The following NSD3 variants were observed in gnomAD, a reference collection of about 807,000 sequenced individuals.
NSD3 encodes nuclear receptor binding SET domain protein 3.
A neutral mutation model predicts 160.8 loss-of-function variants in NSD3; 24 were observed. The ratio of observed to expected loss-of-function variants is 0.15; its 90% CI spans 0.11 to 0.21. The LOEUF (loss-of-function observed/expected upper bound fraction) is 0.21, where lower values mean the gene tolerates loss of function less well. Among genes scored for constraint, NSD3 ranks in the 10% least tolerant of loss-of-function variants. NSD3 has a pLI of 1.00. For missense variants in NSD3, 1,157 were observed against 1,735.9 expected (o/e 0.67, Z 5.93); for synonymous variants, 520 against 600.0 (o/e 0.87, Z 1.95).
At position 38,275,764 on chromosome 8, in the gene NSD3, A is replaced by G; in HGVS notation, c.4191T>C (p.Ser1397=). ...AGCAGCAGAGGCGGCCTTCCAGTGC[A>G]GAGGGAACCAGGGCCCCCTTTTCAT... ...KDHEKGALVP[S]ALEGRLCCSE... is the part of the protein sequence containing the mutation. Residue 1397 remains serine (S), a synonymous_variant, in exon 24 of 24, where the codon TCT becomes TCC. Coordinates refer to ENST00000317025, the MANE Select transcript of NSD3 (RefSeq NM_023034.2). 6.2e-7 allele frequency: 1 copy of G among 1,614,206 alleles called. No homozygotes were observed. Among genetic ancestry groups the G allele is most frequent in the Non-Finnish European group, 8.5e-7 (1 of 1,180,036 alleles).
At chr8:38,354,715 A>G (rs1310024645) in intron 1 of NSD3, among the ~76,000 whole-genome samples, 1 of 152,172 alleles carries the variant, frequency 6.6e-6, no homozygotes, top group Admixed American at 6.5e-5. Flanking sequence ...GAAAATTTTT[A>G]AACTGAAAAG....
At chr8:38,292,007 G>A (rs2130995285) in intron 16 of NSD3, among the ~76,000 whole-genome samples, 1 of 152,238 alleles carries the variant, frequency 6.6e-6, no homozygotes, top group Admixed American at 6.5e-5. Context: ...ACTGTTTTGG[G>A]TTTCTTTAAA....
Position 38,316,534 on chromosome 8 carries a change from A to C in NSD3, c.1856-492T>G. On this transcript the variant is annotated intron_variant, in intron 9 of 23. Transcript: ENST00000317025. This position sits in a 1 kb window ranked among gnomAD's most constrained non-coding sequence, Gnocchi z 4.5. ...GTGCCATTTTCCCCCAAATTTTGCA[A>C]TTCAGTTGATTATTGCCCCCCAATA... is the stretch of plus-strand genomic sequence containing the variant. 9.5e-7 allele frequency: 1 copy of C among 1,048,282 alleles called. No individual in the cohort carries two copies. The highest frequency in any genetic ancestry group is 1.2e-6 in the Non-Finnish European group (1 of 868,422). The allele number at this position is 1,048,282 out of a possible 1,614,324, so 64.9% of individuals were successfully genotyped here.
intron 1 of NSD3, among the ~76,000 whole-genome samples, chr8:38,372,058 G>A (rs1811255503): frequency 6.6e-6 from 1 of 152,216 alleles, no homozygotes; most frequent in Non-Finnish European, 1.5e-5. Context: ...TGTCATCACT[G>A]ATTACTTCTC....
intron 20 of NSD3, 85 bp downstream of exon 20, chr8:38,281,377 CAAATT>C (rs1808728958): frequency 3.1e-6 from 2 of 642,980 alleles, no homozygotes; most frequent in African/African-American, 1.9e-5. Context: ...GAAGAAAAAT[CAAATT>C]AAAAGAAACT....
intron 2 of NSD3, among the ~76,000 whole-genome samples, chr8:38,341,507 T>C (rs1435440957): frequency 2.1e-5 from 3 of 142,998 alleles, no homozygotes; most frequent in Non-Finnish European, 4.5e-5. Context: ...CAATGGACTG[T>C]AACCTGGGTG....
intron 1 of NSD3, among the ~76,000 whole-genome samples, chr8:38,361,522 G>A (rs1387858238): frequency 1.4e-4 from 21 of 150,650 alleles, no homozygotes; most frequent in Admixed American, 1.3e-3. Flanking sequence ...TTGGGAGGCC[G>A]AGGCGGGCGG....
In NSD3 at chr8:38,329,493, C is replaced by G; in HGVS notation, c.1466G>C (p.Ser489Thr). ...LPASITMHKG[S>T]LDLQKCNMSP... Reference sequence around the variant, plus strand: ...CATGTTACACTTCTGCAAATCCAGGCTCCCTTTGTGCATCGTAATGGAAGC... The same window carrying G: ...CATGTTACACTTCTGCAAATCCAGGGTCCCTTTGTGCATCGTAATGGAAGC... The change falls in exon 6 of 24, where the codon AGC (serine) becomes ACC (threonine). Residue 489 changes from serine (S) to threonine (T), a missense_variant. Around this residue, in one of 10 missense-constraint regions of NSD3, gnomAD observed 168 missense variants for 208.1 expected, o/e 0.81. Coordinates refer to ENST00000317025, the MANE Select transcript of NSD3 (RefSeq NM_023034.2). This position sits in a 1 kb window ranked among gnomAD's most constrained non-coding sequence, Gnocchi z 4.8. The G allele has an allele frequency of 1.2e-6, 2 of 1,614,228 alleles. No individual in the cohort carries two copies. Among genetic ancestry groups the G allele is most frequent in the South Asian group, 2.2e-5 (2 of 91,084 alleles).
chr8:38,296,881 T>C (rs1328385071), intron 15 of NSD3, among the ~76,000 whole-genome samples: 1 of 152,086 alleles, frequency 6.6e-6, no homozygotes, highest in East Asian at 1.9e-4. Flanking sequence ...CTGGCCAAAA[T>C]CTGCATTTTA....
chr8:38,274,903 G>A lies in NSD3; in HGVS notation c.*738C>T. 1 of 188,912 alleles carries A rather than the reference G, an allele frequency of 5.3e-6. No individual in the cohort carries two copies. Among genetic ancestry groups the A allele is most frequent in the East Asian group, 8.6e-5 (1 of 11,694 alleles). 11.7% of individuals were successfully genotyped at this position (188,912 alleles called of 1,614,324 possible). A position where few individuals can be genotyped will look rare whatever the true frequency, so the allele number is the denominator to read the frequency against. ...TGGAAAACGTTTTAAAAATCAGTGA[G>A]CACATCCATTCCTTTTTTTCCTTCC... On this transcript the variant is annotated 3_prime_UTR_variant, in exon 24 of 24. Transcript: ENST00000317025.
chr8:38,376,629 G>A (rs1811394949), intron 1 of NSD3, among the ~76,000 whole-genome samples: 1 of 151,972 alleles, frequency 6.6e-6, no homozygotes, highest in Admixed American at 6.6e-5. Context: ...TAGAGACGGG[G>A]TTTCACCATG....
In NSD3 at chr8:38,302,131, T is replaced by C. The variant is rs546974388; in HGVS notation, c.2611+2456A>G. ...AGTCCTTAAGAAATAGCTTAATGAT[T>C]TTAAACACCCAATAACCAAGAACTA... On this transcript the variant is annotated intron_variant, in intron 14 of 23. Coordinates refer to ENST00000317025, the MANE Select transcript of NSD3 (RefSeq NM_023034.2). 2.0e-5 allele frequency among the ~76,000 whole-genome samples: 3 copies of C among 152,316 alleles called. No individual in the cohort carries two copies. In the South Asian group the frequency reaches 6.2e-4, roughly 32 times the overall value.
intron 14 of NSD3, among the ~76,000 whole-genome samples, chr8:38,304,133 CATT>C (rs900891341): frequency 2.0e-5 from 3 of 152,180 alleles, no homozygotes; most frequent in African/African-American, 7.2e-5. Flanking sequence ...CAGACCAAAA[CATT>C]ATGATAAAAT....
At chr8:38,356,667 TAA>T (rs1810831933) in intron 1 of NSD3, among the ~76,000 whole-genome samples, 2 of 152,246 alleles carry the variant, frequency 1.3e-5, no homozygotes, top group African/African-American at 2.4e-5. Flanking sequence ...ATTTATAGTT[TAA>T]GTCACTATAA....
chr8:38,371,814 G>A (rs909853219), intron 1 of NSD3, among the ~76,000 whole-genome samples: 9 of 152,076 alleles, frequency 5.9e-5, no homozygotes, highest in African/African-American at 2.2e-4. Flanking sequence ...AGAGTTGTAC[G>A]CAAATAGACC....
At chr8:38,344,317 G>A (rs907829928) in intron 2 of NSD3, among the ~76,000 whole-genome samples, 1 of 152,152 alleles carries the variant, frequency 6.6e-6, no homozygotes, top group African/African-American at 2.4e-5. Context: ...TGTCACCCAG[G>A]CTGGAGTGCA....
rs550486110 is a variant in NSD3, at chr8:38,307,126, A to T, written c.2243-1681T>A. ...CGAGATACCGTCTCAAAAAAAAAAA[A>T]AATAAAATAAAATAAATAAATAAAT... On this transcript the variant is annotated intron_variant, in intron 12 of 23. Coordinates refer to ENST00000317025, the MANE Select transcript of NSD3 (RefSeq NM_023034.2). 7.0e-5 allele frequency among the ~76,000 whole-genome samples: 10 copies of T among 143,450 alleles called. 1 individual carries two copies. In the South Asian group the frequency reaches 8.6e-4, roughly 12 times the overall value. The allele number at this position is 143,450 out of a possible 152,430, so 94.1% of individuals were successfully genotyped here. A position where few individuals can be genotyped will look rare whatever the true frequency, so the allele number is the denominator to read the frequency against.
intron 1 of NSD3, among the ~76,000 whole-genome samples, chr8:38,352,905 T>C (rs1329197087): frequency 6.6e-6 from 1 of 152,240 alleles, no homozygotes; most frequent in Non-Finnish European, 1.5e-5. Flanking sequence ...AGAATTCTTT[T>C]GTTCAGGTAC....
chr8:38,289,613 T>C (rs910476828), intron 17 of NSD3, 108 bp from the exon 18 acceptor site: 15 of 1,022,190 alleles, frequency 1.5e-5, no homozygotes, highest in Admixed American at 7.5e-5. Flanking sequence ...GCCTGAGATT[T>C]TTCTTTTTAG....
Sources: gnomAD v4.1 joint callset for allele counts (sites outside exome capture counted in the v4.1 genomes callset) on GRCh38, gnomAD v4.1.1 for gene constraint, gnomAD v4.1.1 regional missense constraint, Gnocchi (gnomAD v3.1) non-coding constraint, MANE v1.5 for transcripts, NCBI Gene and HGNC (gene_info 2026-07-23, HGNC 2026-07-21) for gene names.